GTF3C1: variants seen among roughly 807,000 people sequenced by gnomAD.
GTF3C1 encodes the protein general transcription factor 3C polypeptide 1.
Under a neutral mutation model 226.7 loss-of-function variants are expected in GTF3C1, and 57 were observed. That is an observed-to-expected ratio of 0.25 (90% CI 0.20 to 0.31). GTF3C1 has a LOEUF of 0.31. Ranked by LOEUF, GTF3C1 falls within the 10% of genes least tolerant of loss-of-function variation. GTF3C1 has a pLI of 1.00. For synonymous variants in GTF3C1, 1,090 were observed against 1,084.8 expected (o/e 1.00, Z -0.09); for missense variants, 2,217 against 2,776.1 (o/e 0.80, Z 4.53).
In GTF3C1 at chr16:27,465,383, C is replaced by A; in HGVS notation, c.5232G>T (p.Glu1744Asp). 2 of 1,614,176 alleles carry A rather than the reference C, an allele frequency of 1.2e-6. No individual in the cohort carries two copies. Among genetic ancestry groups the A allele is most frequent in the East Asian group, 2.2e-5 (1 of 44,896 alleles). The change falls in exon 33 of 37, where the codon GAG (glutamate) becomes GAT (aspartate). Residue 1744 changes from glutamate (E) to aspartate (D), a missense_variant. Physicochemically the swap from Glu to Asp is conservative, Grantham distance 45. This residue lies in a region of GTF3C1 where 455 missense variants were observed against 441.9 expected (regional missense o/e 1.03). Transcript: ENST00000356183. Reference protein sequence around the residue: ...YSPEDLTAALEILEAIIATGC... With the variant: ...YSPEDLTAALDILEAIIATGC... ...CCGTGGCTATAATGGCTTCCAAGATCTCCAAGGCAGCAGTCAGGTCTTCGG... is the reference window on the plus strand; with the variant it reads ...CCGTGGCTATAATGGCTTCCAAGATATCCAAGGCAGCAGTCAGGTCTTCGG...
chr16:27,529,242 G>T (rs555847310), intron 5 of GTF3C1, among the ~76,000 whole-genome samples: 5 of 152,148 alleles, frequency 3.3e-5, no homozygotes, highest in Admixed American at 3.3e-4. Flanking sequence ...CCAGGAGTTT[G>T]GACCAGCCTG....
At chr16:27,486,726 T>C (rs2088145503) in intron 23 of GTF3C1, among the ~76,000 whole-genome samples, 1 of 152,226 alleles carries the variant, frequency 6.6e-6, no homozygotes, top group African/African-American at 2.4e-5. Flanking sequence ...GAGATCGGTG[T>C]AGTTAATAAC....
Position 27,498,614 on chromosome 16 carries a change from G to T in GTF3C1, c.2165+16C>A. ...GGCAGCCTTGCTATGGGTTCTTCCCGGGCACCTCCACTTGCCTGTTGGCTG... is the reference window on the plus strand; with the variant it reads ...GGCAGCCTTGCTATGGGTTCTTCCCTGGCACCTCCACTTGCCTGTTGGCTG... On this transcript the variant is annotated intron_variant, in intron 13 of 36. Transcript: ENST00000356183. 1 of 1,346,678 alleles carries T rather than the reference G, an allele frequency of 7.4e-7. No homozygotes were observed. The highest frequency in any genetic ancestry group is 1.1e-6 in the Non-Finnish European group (1 of 935,634). 83.4% of individuals were successfully genotyped at this position (1,346,678 alleles called of 1,614,324 possible).
In GTF3C1 at chr16:27,489,762, G is replaced by T; in HGVS notation, c.3152-19C>A. 6.2e-7 allele frequency: 1 copy of T among 1,606,198 alleles called. No homozygotes were observed. On this transcript the variant is annotated intron_variant, in intron 19 of 36. Coordinates refer to ENST00000356183, the MANE Select transcript of GTF3C1 (RefSeq NM_001520.4). ...ACCACGCCTGGAAAACCAAACATCAGGGTGACCAATCACGCCTTCCTGCTG... is the reference window on the plus strand; with the variant it reads ...ACCACGCCTGGAAAACCAAACATCATGGTGACCAATCACGCCTTCCTGCTG...
intron 5 of GTF3C1, among the ~76,000 whole-genome samples, chr16:27,532,312 C>A (rs1428147322): frequency 6.6e-6 from 1 of 152,140 alleles, no homozygotes; most frequent in South Asian, 2.1e-4. Flanking sequence ...TCAGAGAACT[C>A]CATCGATGCA....
chr16:27,517,116 T>C (rs757139034), intron 6 of GTF3C1, among the ~76,000 whole-genome samples: 1 of 152,112 alleles, frequency 6.6e-6, no homozygotes, highest in Non-Finnish European at 1.5e-5. Context: ...CTGGTGACAG[T>C]GTTTAGCCTT....
chr16:27,546,927 C>T (rs2089172852), intron 1 of GTF3C1, among the ~76,000 whole-genome samples: 2 of 152,060 alleles, frequency 1.3e-5, no homozygotes, highest in Non-Finnish European at 2.9e-5. Flanking sequence ...CCACCACACC[C>T]AGCTAATTTT....
In GTF3C1 at chr16:27,469,371, T is replaced by A. The variant is rs763708630; in HGVS notation, c.4994A>T (p.Asn1665Ile). Residue 1665 changes from asparagine (N) to isoleucine (I), a missense_variant, in exon 32 of 37, where the codon AAC becomes ATC. Physicochemically the swap from Asn to Ile is moderately radical, Grantham distance 149. This residue lies in a region of GTF3C1 where 455 missense variants were observed against 441.9 expected (regional missense o/e 1.03). Coordinates refer to ENST00000356183, the MANE Select transcript of GTF3C1 (RefSeq NM_001520.4). This position sits in a 1 kb window ranked among gnomAD's most constrained non-coding sequence, Gnocchi z 4.5. ...GIVSTRNLNP[N>I]DSIVVNSCQM... Reference sequence around the variant, plus strand: ...GCAGGAGTTGACCACAATGCTGTCGTTGGGGTTGAGGTTGCGGGTGCTGAC... The same window carrying A: ...GCAGGAGTTGACCACAATGCTGTCGATGGGGTTGAGGTTGCGGGTGCTGAC... 6.2e-7 allele frequency: 1 copy of A among 1,611,184 alleles called. No homozygotes were observed. Among genetic ancestry groups the A allele is most frequent in the Non-Finnish European group, 8.5e-7 (1 of 1,178,730 alleles).
At chr16:27,526,039 G>T (rs753441766) in intron 6 of GTF3C1, among the ~76,000 whole-genome samples, 36 of 152,308 alleles carry the variant, frequency 2.4e-4, no homozygotes, top group Admixed American at 1.5e-3. Context: ...GAGGAAGGGA[G>T]AAGTTACCAT....
At chr16:27,515,665 A>G (rs1374771463) in intron 6 of GTF3C1, among the ~76,000 whole-genome samples, 1 of 152,114 alleles carries the variant, frequency 6.6e-6, no homozygotes, top group African/African-American at 2.4e-5. Flanking sequence ...TTCCATCTCA[A>G]GTTCCATAGC....
intron 6 of GTF3C1, among the ~76,000 whole-genome samples, chr16:27,516,921 C>T (rs1430317910): frequency 2.0e-5 from 3 of 152,154 alleles, no homozygotes; most frequent in African/African-American, 4.8e-5. Flanking sequence ...CATGGGTCAC[C>T]GAGCTAAGCC....
At chr16:27,509,367 T>A (rs1189267912) in intron 7 of GTF3C1, among the ~76,000 whole-genome samples, 1 of 151,572 alleles carries the variant, frequency 6.6e-6, no homozygotes, top group Non-Finnish European at 1.5e-5. Flanking sequence ...CAGGAAGGAG[T>A]CGGCTTAGGA....
chr16:27,469,177 TG>T lies in GTF3C1; in HGVS notation c.5074+113del. The T allele has an allele frequency of 9.3e-7, 1 of 1,076,130 alleles. No individual in the cohort carries two copies. The highest frequency in any genetic ancestry group is 1.3e-6 in the Non-Finnish European group (1 of 765,022). 66.7% of individuals were successfully genotyped at this position (1,076,130 alleles called of 1,614,324 possible). Reference sequence around the variant, plus strand: ...GGGGTGTGTTTTTCTGTGTGTTCTGTGGCTGCACGCCTGGCCTGGGGAGCCT... The same window carrying T: ...GGGGTGTGTTTTTCTGTGTGTTCTGTGCTGCACGCCTGGCCTGGGGAGCCT... On this transcript the variant is annotated intron_variant, in intron 32 of 36. Transcript: ENST00000356183. This position sits in a 1 kb window ranked among gnomAD's most constrained non-coding sequence, Gnocchi z 4.5.
chr16:27,546,994 G>A (rs1244028690), intron 1 of GTF3C1, among the ~76,000 whole-genome samples: 6 of 151,614 alleles, frequency 4.0e-5, no homozygotes, highest in Non-Finnish European at 8.8e-5. Context: ...CACCTGCCTC[G>A]GCCTCCCAAA....
At chr16:27,489,231 A>T (rs894020212) in intron 20 of GTF3C1, 53 bp from the exon 21 acceptor site, 1 of 1,598,752 alleles carries the variant, frequency 6.3e-7, no homozygotes, top group African/African-American at 1.3e-5. Flanking sequence ...TCACCGAAAA[A>T]GAGAGCCCAT....
chr16:27,538,379 T>C, intron 2 of GTF3C1, 23 bp from the exon 3 acceptor site: 1 of 1,459,410 alleles, frequency 6.9e-7, no homozygotes, highest in South Asian at 1.3e-5. Context: ...AACAATCGCA[T>C]GAAGAAATAA....
At chr16:27,504,470 C>A (rs1433293136) in intron 10 of GTF3C1, among the ~76,000 whole-genome samples, 1 of 152,326 alleles carries the variant, frequency 6.6e-6, no homozygotes, top group East Asian at 1.9e-4. Context: ...AAAATCAACG[C>A]CACGCCCCAT....
At chr16:27,514,858 CT>C (rs1440536295) in intron 6 of GTF3C1, among the ~76,000 whole-genome samples, 1 of 152,196 alleles carries the variant, frequency 6.6e-6, no homozygotes, top group Non-Finnish European at 1.5e-5. Context: ...TTAGACGCCC[CT>C]GATTCAAAAC....
intron 12 of GTF3C1, among the ~76,000 whole-genome samples, chr16:27,500,367 C>T (rs2088387493): frequency 6.6e-6 from 1 of 152,172 alleles, no homozygotes; most frequent in African/African-American, 2.4e-5. Context: ...CTGATGAGAG[C>T]TGTCAATGTG....
Sources: allele counts gnomAD v4.1 joint callset (sites outside exome capture counted in the v4.1 genomes callset), GRCh38; gene constraint gnomAD v4.1.1; regional missense constraint gnomAD v4.1.1; non-coding constraint Gnocchi (gnomAD v3.1); transcripts MANE v1.5; gene names NCBI Gene and HGNC (gene_info 2026-07-23, HGNC 2026-07-21).